Variants in CCDC178 observed in about 807,000 individuals in gnomAD.
CCDC178 encodes coiled-coil domain containing 178.
CCDC178 carries 126 observed loss-of-function variants against 117.4 expected under a neutral mutation model. That is an observed-to-expected ratio of 1.07 (90% CI 0.93 to 1.24). The LOEUF (loss-of-function observed/expected upper bound fraction) is 1.24. CCDC178 is among the 50% of genes most tolerant of loss of function. The probability of loss-of-function intolerance (pLI) is 0.00; values close to 1 mark genes in which losing one functional copy is unlikely to be tolerated. For missense variants in CCDC178, 1,030 were observed against 986.9 expected, an observed-to-expected ratio of 1.04 and a Z score of -0.59; for synonymous variants, 283 against 313.4, an observed-to-expected ratio of 0.90 and a Z score of 1.02.
In CCDC178 at chr18:33,203,348, C is replaced by T. The variant is rs559031743; in HGVS notation, c.2238+8548G>A. 3.0e-3 allele frequency among the ~76,000 whole-genome samples: 454 copies of T among 151,966 alleles called. 3 individuals are homozygous for T. Among genetic ancestry groups the T allele is most frequent in the Non-Finnish European group, 5.1e-3 (346 of 67,962 alleles). On this transcript the variant is annotated intron_variant, in intron 20 of 22. Coordinates refer to ENST00000383096, the MANE Select transcript of CCDC178 (RefSeq NM_001105528.4). ...TAACTTTGTTTTTAAGTTTGCTTTC[C>T]TGTCACATAATTTTTCTTTTTTATT...
At chr18:33,422,380 C>T (rs2064038119) in intron 2 of CCDC178, among the ~76,000 whole-genome samples, 1 of 152,164 alleles carries the variant, frequency 6.6e-6, no homozygotes, top group Admixed American at 6.5e-5. Context: ...TCTAATGACA[C>T]ATTAACATTA....
chr18:33,395,823 C>T (rs1031553391), intron 4 of CCDC178, among the ~76,000 whole-genome samples: 22 of 151,916 alleles, frequency 1.4e-4, no homozygotes, highest in African/African-American at 3.6e-4. Flanking sequence ...TTAAATAGCA[C>T]GCAAAAATCA....
At chr18:33,272,207 C>G (rs1361291203) in intron 12 of CCDC178, among the ~76,000 whole-genome samples, 1 of 151,160 alleles carries the variant, frequency 6.6e-6, no homozygotes, top group African/African-American at 2.4e-5. Context: ...TTACTAAAAT[C>G]AGAAATTCAA....
intron 5 of CCDC178, among the ~76,000 whole-genome samples, chr18:33,382,702 A>G (rs932216482): frequency 6.6e-6 from 1 of 151,846 alleles, no homozygotes; most frequent in African/African-American, 2.4e-5. Flanking sequence ...TTCCCCCGTG[A>G]GCCTACACCA....
At chr18:33,163,667 T>G (rs1049138140) in intron 20 of CCDC178, among the ~76,000 whole-genome samples, 4 of 152,194 alleles carry the variant, frequency 2.6e-5, no homozygotes, top group African/African-American at 9.7e-5. Flanking sequence ...TATTCTATAA[T>G]AAAATAATTT....
chr18:33,117,266 C>A (rs559710647), intron 20 of CCDC178, among the ~76,000 whole-genome samples: 1 of 152,080 alleles, frequency 6.6e-6, no homozygotes, highest in Admixed American at 6.6e-5. Flanking sequence ...GAATTAGCCT[C>A]TTTTCTCAAC....
chr18:33,014,957 G>C (rs1048502492), intron 21 of CCDC178, among the ~76,000 whole-genome samples: 20 of 152,052 alleles, frequency 1.3e-4, no homozygotes, highest in African/African-American at 4.8e-4. Flanking sequence ...ATAAAACATG[G>C]AAAGAAACAG....
chr18:33,164,524 A>G lies in CCDC178; in HGVS notation c.2238+47372T>C, dbSNP rs187094855. ...TTGGAAATGAAAACTGAGAAATTAG[A>G]AAATATGTATTAATTCATTATAAAT... On this transcript the variant is annotated intron_variant, in intron 20 of 22. Transcript: ENST00000383096. Among the ~76,000 whole-genome samples, 6 of 152,252 alleles carry G rather than the reference A, an allele frequency of 3.9e-5. No individual in the cohort carries two copies. In the East Asian group the frequency reaches 1.2e-3, roughly 29 times the overall value.
At chr18:33,160,647 A>G (rs991918027) in intron 20 of CCDC178, among the ~76,000 whole-genome samples, 1 of 152,072 alleles carries the variant, frequency 6.6e-6, no homozygotes, top group Admixed American at 6.6e-5. Context: ...TTTATTTCCT[A>G]GTTAAAGGTC....
chr18:32,953,243 A>C (rs1568177534), intron 22 of CCDC178, among the ~76,000 whole-genome samples: 1 of 152,200 alleles, frequency 6.6e-6, no homozygotes, highest in African/African-American at 2.4e-5. Context: ...CGACCTTTGC[A>C]CTAGTTCCTA....
At chr18:33,041,112 A>G (rs2056542650) in intron 21 of CCDC178, among the ~76,000 whole-genome samples, 1 of 151,892 alleles carries the variant, frequency 6.6e-6, no homozygotes. Flanking sequence ...TTTTTTAGTA[A>G]CTATTGTTTA....
In CCDC178 at chr18:33,245,413, T is replaced by C; in HGVS notation, c.1425A>G (p.Ser475=). ...VKTNESIRKK[S]KYESEIKYLT... ...AATATTTTATTTCAGATTCGTATTTTGATTTTTTCCGTATGCTGTAAAAGT... is the reference window on the plus strand; with the variant it reads ...AATATTTTATTTCAGATTCGTATTTCGATTTTTTCCGTATGCTGTAAAAGT... Residue 475 remains serine (S), a synonymous_variant, in exon 15 of 23, where the codon TCA becomes TCG. Transcript: ENST00000383096. 1 of 1,562,876 alleles carries C rather than the reference T, an allele frequency of 6.4e-7. No individual in the cohort carries two copies. The highest frequency in any genetic ancestry group is 8.7e-7 in the Non-Finnish European group (1 of 1,155,352).
intron 21 of CCDC178, among the ~76,000 whole-genome samples, chr18:32,991,977 T>C (rs2055404543): frequency 6.6e-6 from 1 of 152,210 alleles, no homozygotes; most frequent in Admixed American, 6.5e-5. Flanking sequence ...ACAGAAATAA[T>C]GGGAACTTTT....
At chr18:33,188,716 C>T (rs2058823800) in intron 20 of CCDC178, among the ~76,000 whole-genome samples, 1 of 152,148 alleles carries the variant, frequency 6.6e-6, no homozygotes, top group Non-Finnish European at 1.5e-5. Flanking sequence ...GGCAGATTCA[C>T]CCCTAGAACT....
At chr18:33,319,882 G>C (rs1004470598) in intron 11 of CCDC178, among the ~76,000 whole-genome samples, 2 of 152,032 alleles carry the variant, frequency 1.3e-5, no homozygotes. Context: ...TTTTTGATGG[G>C]GTTGTTTTTT....
At chr18:33,431,436 C>T (rs1417829217) in intron 2 of CCDC178, among the ~76,000 whole-genome samples, 1 of 152,048 alleles carries the variant, frequency 6.6e-6, no homozygotes, top group Non-Finnish European at 1.5e-5. Flanking sequence ...CTATTCACAT[C>T]TGGTTATTTG....
chr18:33,235,989 T>C (rs932301216), intron 15 of CCDC178, among the ~76,000 whole-genome samples: 1 of 152,186 alleles, frequency 6.6e-6, no homozygotes, highest in Non-Finnish European at 1.5e-5. Flanking sequence ...AGCTAAAAAA[T>C]TAGAGAAAGT....
chr18:32,967,051 T>G (rs1195100882), intron 22 of CCDC178, among the ~76,000 whole-genome samples: 1 of 151,856 alleles, frequency 6.6e-6, no homozygotes, highest in Non-Finnish European at 1.5e-5. Context: ...GAAGTTAAAT[T>G]TGTAAACTAT....
At position 33,335,304 on chromosome 18, in the gene CCDC178, T is replaced by C. The variant is rs182544809; in HGVS notation, c.659-1910A>G. ...TTTTCCCATACATGTAATGATACTT[T>C]TAATGATTTTTTAAATGAAATACTT... On this transcript the variant is annotated intron_variant, in intron 9 of 22. Transcript: ENST00000383096. Among the ~76,000 whole-genome samples the C allele has an allele frequency of 7.9e-5, 12 of 152,204 alleles. No individual in the cohort carries two copies. In the East Asian group the frequency reaches 2.3e-3, roughly 29 times the overall value.
Sources: allele counts gnomAD v4.1 joint callset (sites outside exome capture counted in the v4.1 genomes callset), GRCh38; gene constraint gnomAD v4.1.1; transcripts MANE v1.5; gene names NCBI Gene and HGNC (gene_info 2026-07-23, HGNC 2026-07-21).